The following PTPRD variants were observed in gnomAD, a reference collection of about 807,000 sequenced individuals.
PTPRD encodes protein tyrosine phosphatase receptor type D.
PTPRD carries 34 observed loss-of-function variants against 214.5 expected under a neutral mutation model. The ratio of observed to expected loss-of-function variants is 0.16; its 90% CI spans 0.12 to 0.21. The LOEUF is 0.21. Among genes scored for constraint, PTPRD ranks in the 10% least tolerant of loss-of-function variants. The pLI is 1.00. For missense variants in PTPRD, 2,545 were observed against 2,398.7 expected (o/e 1.06, Z -1.27); for synonymous variants, 1,128 against 845.7 (o/e 1.33, Z -5.79).
intron 12 of PTPRD, among the ~76,000 whole-genome samples, chr9:8,650,894 C>A (rs978502229): frequency 6.8e-6 from 1 of 146,584 alleles, no homozygotes; most frequent in African/African-American, 2.5e-5. Flanking sequence ...TTTTTTAATT[C>A]ATTTCTCTGC....
chr9:8,948,564 T>TATATATATATATTTATATATATTA (rs2099085024), intron 11 of PTPRD, among the ~76,000 whole-genome samples: 1 of 100,206 alleles, frequency 1.0e-5, no homozygotes, highest in African/African-American at 3.9e-5. Context: ...TATATATATT[T>TATATATATATATTTATATATATTA]ATATATATAT....
intron 3 of PTPRD, among the ~76,000 whole-genome samples, chr9:10,158,328 T>C (rs1394612486): frequency 2.6e-5 from 4 of 152,168 alleles, no homozygotes; most frequent in Non-Finnish European, 5.9e-5. Context: ...TTTTCTATAC[T>C]GGGTATTTTA....
chr9:10,116,187 T>C (rs1397827456), intron 3 of PTPRD, among the ~76,000 whole-genome samples: 1 of 152,122 alleles, frequency 6.6e-6, no homozygotes, highest in African/African-American at 2.4e-5. Flanking sequence ...AGTTGCACAT[T>C]GAAATAACCA....
In PTPRD at chr9:8,314,673, T is replaced by G. The variant is rs1761101145; in HGVS notation, c.*3201A>C. The G allele has an allele frequency of 4.3e-6, 1 of 231,962 alleles. No homozygotes were observed. The highest frequency in any genetic ancestry group is 8.5e-6 in the Non-Finnish European group (1 of 117,268). 14.4% of individuals were successfully genotyped at this position (231,962 alleles called of 1,614,324 possible). A position where few individuals can be genotyped will look rare whatever the true frequency, so the allele number is the denominator to read the frequency against. The stretch of plus-strand genomic sequence containing the variant: ...AAAGGGAATTAAAAATAAAAGGACT[T>G]AAAGCAAAACCGAAAATAAACAGGA... On this transcript the variant is annotated 3_prime_UTR_variant, in exon 46 of 46. Transcript: ENST00000381196.
In PTPRD at chr9:10,389,967, G is replaced by C. The variant is rs574053560; in HGVS notation, c.-599-48950C>G. 2.0e-5 allele frequency among the ~76,000 whole-genome samples: 3 copies of C among 151,834 alleles called. No individual in the cohort carries two copies. In the South Asian group the frequency reaches 6.2e-4, roughly 32 times the overall value. ...CCATTATTAATTAAGAGAATCTATAGCTTTTACAGTCAATGCACAGCTGAT... is the reference window on the plus strand; with the variant it reads ...CCATTATTAATTAAGAGAATCTATACCTTTTACAGTCAATGCACAGCTGAT... On this transcript the variant is annotated intron_variant, in intron 2 of 45. Transcript: ENST00000381196.
intron 14 of PTPRD, among the ~76,000 whole-genome samples, chr9:8,609,305 T>G (rs1385411630): frequency 6.6e-6 from 1 of 152,164 alleles, no homozygotes; most frequent in Non-Finnish European, 1.5e-5. Flanking sequence ...GGTAACTCCA[T>G]AAAGGGCAGC....
chr9:8,880,537 A>C (rs1454789218), intron 11 of PTPRD, among the ~76,000 whole-genome samples: 1 of 152,154 alleles, frequency 6.6e-6, no homozygotes, highest in Non-Finnish European at 1.5e-5. Flanking sequence ...GTTTAATCTG[A>C]GGGTGCCTAT....
rs869096131 is a variant in PTPRD, at chr9:9,976,689, C to CAAAAAAAAAAAAAAAAAA, written c.-471-38097_-471-38080dup. 3.3e-4 allele frequency among the ~76,000 whole-genome samples: 21 copies of CAAAAAAAAAAAAAAAAAA among 63,250 alleles called. 2 individuals are homozygous for CAAAAAAAAAAAAAAAAAA. Among genetic ancestry groups the CAAAAAAAAAAAAAAAAAA allele is most frequent in the East Asian group, 8.2e-4 (1 of 1,216 alleles). The allele number at this position is 63,250 out of a possible 152,430, so 41.5% of individuals were successfully genotyped here. ...GGTGTGAGCCACTACACCCTGCCAC[C>CAAAAAAAAAAAAAAAAAA]AAAAAAAAAAAAAAAAAAAAAAATT... On this transcript the variant is annotated intron_variant, in intron 4 of 45. Coordinates refer to ENST00000381196, the MANE Select transcript of PTPRD (RefSeq NM_002839.4).
intron 3 of PTPRD, among the ~76,000 whole-genome samples, chr9:10,050,285 G>A (rs2097504904): frequency 6.6e-6 from 1 of 152,008 alleles, no homozygotes; most frequent in Non-Finnish European, 1.5e-5. Flanking sequence ...ACTCGGCCGG[G>A]CTCGGTGGCT....
chr9:8,520,545 C>T (rs1347627992), intron 20 of PTPRD, among the ~76,000 whole-genome samples: 2 of 152,036 alleles, frequency 1.3e-5, no homozygotes, highest in Admixed American at 6.6e-5. Context: ...CTGCAGAAAA[C>T]TTAAGTTGCC....
At chr9:9,350,977 G>A (rs932593088) in intron 9 of PTPRD, among the ~76,000 whole-genome samples, 1 of 151,950 alleles carries the variant, frequency 6.6e-6, no homozygotes, top group African/African-American at 2.4e-5. Context: ...TCGTTTGTCT[G>A]TTTCATTTTA....
intron 5 of PTPRD, among the ~76,000 whole-genome samples, chr9:9,936,208 A>G: frequency 6.7e-6 from 1 of 149,196 alleles, no homozygotes; most frequent in Non-Finnish European, 1.5e-5. Flanking sequence ...CAATGGCAAC[A>G]AAAGCCAAAA....
At chr9:10,165,613 G>C (rs902350813) in intron 3 of PTPRD, among the ~76,000 whole-genome samples, 1 of 151,592 alleles carries the variant, frequency 6.6e-6, no homozygotes, top group African/African-American at 2.4e-5. Flanking sequence ...AAGACTCAAT[G>C]CTTTCAAATT....
intron 12 of PTPRD, among the ~76,000 whole-genome samples, chr9:8,685,887 A>C (rs1162881425): frequency 6.6e-6 from 1 of 152,242 alleles, no homozygotes; most frequent in Non-Finnish European, 1.5e-5. Flanking sequence ...CCTCTTTATT[A>C]TGTCTTTAAA....
intron 2 of PTPRD, among the ~76,000 whole-genome samples, chr9:10,456,795 A>G (rs960396565): frequency 2.0e-5 from 3 of 151,968 alleles, no homozygotes; most frequent in African/African-American, 7.2e-5. Flanking sequence ...TTTGCAGATG[A>G]TACAGAATAT....
At chr9:9,724,572 T>C (rs2098040955) in intron 7 of PTPRD, among the ~76,000 whole-genome samples, 1 of 152,140 alleles carries the variant, frequency 6.6e-6, no homozygotes, top group Non-Finnish European at 1.5e-5. Flanking sequence ...TACTCAATAT[T>C]AACAGATCCT....
At chr9:10,377,859 G>C (rs1276745665) in intron 2 of PTPRD, among the ~76,000 whole-genome samples, 1 of 152,094 alleles carries the variant, frequency 6.6e-6, no homozygotes, top group South Asian at 2.1e-4. Context: ...GAACAGTGCT[G>C]CAACAAACAT....
At chr9:8,659,941 G>A (rs961881233) in intron 12 of PTPRD, among the ~76,000 whole-genome samples, 1 of 152,126 alleles carries the variant, frequency 6.6e-6, no homozygotes, top group African/African-American at 2.4e-5. Context: ...GAGAGAGAGA[G>A]ACTGGTTCAA....
chr9:8,335,209 GGCCAATATCCCTGATGAACATCGAT>G (rs1845413650), intron 43 of PTPRD, among the ~76,000 whole-genome samples: 3 of 150,914 alleles, frequency 2.0e-5, no homozygotes, highest in Non-Finnish European at 3.0e-5. Flanking sequence ...GAAAATTCCA[GGCCAATATCCCTGATGAACATCGAT>G]GCCAAAATCC....
Sources: gnomAD v4.1 joint callset for allele counts (sites outside exome capture counted in the v4.1 genomes callset) on GRCh38, gnomAD v4.1.1 for gene constraint, MANE v1.5 for transcripts, NCBI Gene and HGNC (gene_info 2026-07-23, HGNC 2026-07-21) for gene names.